SRGAP2C: variants seen among roughly 807,000 people sequenced by gnomAD.
SRGAP2C encodes the protein SLIT-ROBO Rho GTPase-activating protein 2C.
Under a neutral mutation model 25.1 loss-of-function variants are expected in SRGAP2C, and 15 were observed. The ratio of observed to expected loss-of-function variants is 0.60; its 90% confidence interval spans 0.40 to 0.92. SRGAP2C has a LOEUF of 0.92. Ranked by LOEUF, SRGAP2C falls within the 40% of genes least tolerant of loss-of-function variation. The probability of loss-of-function intolerance (pLI) is 0.00; values close to 1 mark genes in which losing one functional copy is unlikely to be tolerated. For synonymous variants in SRGAP2C, 44 were observed against 96.6 expected, an observed-to-expected ratio of 0.46 and a Z score of 3.19; for missense variants, 144 against 264.4, an observed-to-expected ratio of 0.54 and a Z score of 3.16.
In SRGAP2C at chr1:121,341,197, G is replaced by C. The variant is rs1370264497; in HGVS notation, c.423+16557G>C. 4.0e-5 allele frequency among the ~76,000 whole-genome samples: 3 copies of C among 74,682 alleles called. 1 individual carries two copies. Among genetic ancestry groups the C allele is most frequent in the Non-Finnish European group, 5.1e-5 (2 of 39,418 alleles). The allele number at this position is 74,682 out of a possible 152,430, so 49.0% of individuals were successfully genotyped here. The stretch of plus-strand genomic sequence containing the variant: ...GAGGAAAGACATTATAGACAGGACT[G>C]AGTGGCCTGACATGAGGTGGGAGGA... On this transcript the variant is annotated intron_variant, in intron 4 of 9. Transcript: ENST00000367123.
At chr1:121,216,300 A>G (rs1199106970) in intron 2 of SRGAP2C, among the ~76,000 whole-genome samples, 2 of 152,056 alleles carry the variant, frequency 1.3e-5, no homozygotes, top group African/African-American at 2.4e-5. Flanking sequence ...GTCCACAGCA[A>G]TGCTGTCTCT....
intron 2 of SRGAP2C, among the ~76,000 whole-genome samples, chr1:121,202,392 A>T (rs1160501541): frequency 3.3e-5 from 5 of 150,084 alleles, no homozygotes; most frequent in African/African-American, 4.9e-5. Flanking sequence ...AGCTAATTTC[A>T]ACCTGGCAGC....
chr1:121,276,068 C>T (rs1657103466), intron 2 of SRGAP2C, among the ~76,000 whole-genome samples: 1 of 74,596 alleles, frequency 1.3e-5, no homozygotes, highest in African/African-American at 6.4e-5. Flanking sequence ...TTGCTGACTA[C>T]TGTGAAGGGA....
In SRGAP2C at chr1:121,273,315, T is replaced by C. The variant is rs1387470454; in HGVS notation, c.68-11488T>C. Among the ~76,000 whole-genome samples the C allele has an allele frequency of 6.7e-4, 66 of 98,060 alleles. 6 individuals carry two copies. Among genetic ancestry groups the C allele is most frequent in the African/African-American group, 1.9e-3 (63 of 33,274 alleles). The allele number at this position is 98,060 out of a possible 152,430, so 64.3% of individuals were successfully genotyped here. A position where few individuals can be genotyped will look rare whatever the true frequency, so the allele number is the denominator to read the frequency against. Reference sequence around the variant, plus strand: ...CTGTGGTCAACTAAATCAGTTCTTATAACCAACCAGTCACTTCACATGTAT... The same window carrying C: ...CTGTGGTCAACTAAATCAGTTCTTACAACCAACCAGTCACTTCACATGTAT... On this transcript the variant is annotated intron_variant, in intron 2 of 9. Coordinates refer to ENST00000367123, the MANE Select transcript of SRGAP2C (RefSeq NM_001329984.2).
chr1:121,297,951 T>A (rs1657630213), intron 3 of SRGAP2C, among the ~76,000 whole-genome samples: 1 of 147,706 alleles, frequency 6.8e-6, no homozygotes, highest in Admixed American at 6.8e-5. Context: ...CTGTACTGGG[T>A]AAAACACTGG....
intron 2 of SRGAP2C, among the ~76,000 whole-genome samples, chr1:121,239,800 CAG>C (rs1258320780): frequency 6.6e-6 from 1 of 152,244 alleles, no homozygotes; most frequent in Non-Finnish European, 1.5e-5. Flanking sequence ...GTAGTTTCAA[CAG>C]AGAACATATG....
chr1:121,204,603 G>T (rs1553322281), intron 2 of SRGAP2C, among the ~76,000 whole-genome samples: 1 of 152,074 alleles, frequency 6.6e-6, no homozygotes, highest in Non-Finnish European at 1.5e-5. Context: ...ACTCTTTTAG[G>T]CCATCTTGCT....
rs1475183683 is a variant in SRGAP2C, at chr1:121,287,694, G to A, written c.260+2699G>A. 1.4e-3 allele frequency among the ~76,000 whole-genome samples: 209 copies of A among 152,308 alleles called. 3 individuals are homozygous for A. The highest frequency in any genetic ancestry group is 0.013 in the Admixed American group (196 of 15,304). On this transcript the variant is annotated intron_variant, in intron 3 of 9. Coordinates refer to ENST00000367123, the MANE Select transcript of SRGAP2C (RefSeq NM_001329984.2). ...TCACTGACTTCAAGAATGAGGCCGCGGACCCTCGCGGTGAGTGTTACAGCT... is the reference window on the plus strand; with the variant it reads ...TCACTGACTTCAAGAATGAGGCCGCAGACCCTCGCGGTGAGTGTTACAGCT...
At chr1:121,192,291 C>T in intron 2 of SRGAP2C, among the ~76,000 whole-genome samples, 1 of 151,864 alleles carries the variant, frequency 6.6e-6, no homozygotes, top group East Asian at 1.9e-4. Context: ...TGAAAAGCTG[C>T]AGTAAAACAT....
chr1:121,185,159 C>A, intron 1 of SRGAP2C, 35 bp downstream of exon 1: 1 of 453,966 alleles, frequency 2.2e-6, no homozygotes, highest in Non-Finnish European at 3.8e-6. Flanking sequence ...TTCTTCCTCC[C>A]GGCCGCCGGG....
chr1:121,212,371 C>T (rs1553323978), intron 2 of SRGAP2C, among the ~76,000 whole-genome samples: 2 of 152,036 alleles, frequency 1.3e-5, no homozygotes, highest in Non-Finnish European at 2.9e-5. Flanking sequence ...ACCTCGTGAT[C>T]TGCTTGCCTC....
At chr1:121,357,593 A>C (rs1400668774) in intron 4 of SRGAP2C, among the ~76,000 whole-genome samples, 19 of 145,028 alleles carry the variant, frequency 1.3e-4, no homozygotes, top group Admixed American at 4.9e-4. Context: ...TTTAGTTCTT[A>C]CTGAAACTGG....
chr1:121,230,908 CATT>C (rs1295289125), intron 2 of SRGAP2C, among the ~76,000 whole-genome samples: 1 of 149,466 alleles, frequency 6.7e-6, no homozygotes, highest in Non-Finnish European at 1.5e-5. Context: ...AGCTGGAAAC[CATT>C]ATTCTCAGCA....
At chr1:121,338,612 C>A (rs1359109104) in intron 4 of SRGAP2C, among the ~76,000 whole-genome samples, 4 of 124,894 alleles carry the variant, frequency 3.2e-5, no homozygotes, top group Non-Finnish European at 6.7e-5. Context: ...GGGTCTACAT[C>A]CAGCTTCTCC....
chr1:121,304,321 C>T (rs1334417403), intron 3 of SRGAP2C, among the ~76,000 whole-genome samples: 2 of 145,442 alleles, frequency 1.4e-5, no homozygotes, highest in Non-Finnish European at 3.0e-5. Flanking sequence ...CCTTGAGGGC[C>T]AAGACACAAT....
intron 4 of SRGAP2C, among the ~76,000 whole-genome samples, chr1:121,342,832 TA>T: frequency 9.9e-6 from 1 of 101,180 alleles, no homozygotes; most frequent in Non-Finnish European, 2.1e-5. Context: ...CCTGTGAGGA[TA>T]ACAATGACAA....
chr1:121,314,495 A>T (rs1481991115), intron 3 of SRGAP2C, among the ~76,000 whole-genome samples: 1 of 152,050 alleles, frequency 6.6e-6, no homozygotes, highest in African/African-American at 2.4e-5. Context: ...GGAGGAGGAG[A>T]GGCGCTCTGC....
intron 3 of SRGAP2C, among the ~76,000 whole-genome samples, chr1:121,287,563 A>C (rs1347607021): frequency 6.6e-6 from 1 of 151,920 alleles, no homozygotes; most frequent in East Asian, 1.9e-4. Flanking sequence ...TTTGATTTTT[A>C]GTACTATATC....
chr1:121,307,968 T>A (rs1420160069), intron 3 of SRGAP2C, among the ~76,000 whole-genome samples: 4 of 151,412 alleles, frequency 2.6e-5, no homozygotes, highest in African/African-American at 2.4e-5. Flanking sequence ...CTTTCATGTG[T>A]AACCACATGC....
Sources: allele counts gnomAD v4.1 joint callset (sites outside exome capture counted in the v4.1 genomes callset), GRCh38; gene constraint gnomAD v4.1.1; transcripts MANE v1.5; gene names NCBI Gene and HGNC (gene_info 2026-07-23, HGNC 2026-07-21).